The following AHCTF1 variants were observed in gnomAD, a reference collection of about 807,000 sequenced individuals.
The protein encoded by AHCTF1 is AT-hook containing transcription factor 1.
Under a neutral mutation model 248.4 loss-of-function variants are expected in AHCTF1, and 24 were observed. The ratio of observed to expected loss-of-function variants is 0.10; its 90% CI spans 0.07 to 0.14. The LOEUF is 0.14. AHCTF1 is among the 10% of genes least tolerant of loss of function. The pLI is 1.00. For missense variants in AHCTF1, 2,206 were observed against 2,636.2 expected, an observed-to-expected ratio of 0.84 and a Z score of 3.57; for synonymous variants, 786 against 929.8, an observed-to-expected ratio of 0.85 and a Z score of 2.81.
At position 246,855,823 on chromosome 1, in the gene AHCTF1, T is replaced by C; in HGVS notation, c.4261A>G (p.Ile1421Val). ...GGTACCTTGGACTTCTGGGTGAAGA[T>C]TTTCCTTTAGAAAAAGAAATACATA... is the stretch of plus-strand genomic sequence containing the variant. ...LCAPSVYEGK[I>V]FTQKSKVPVL... Residue 1421 changes from isoleucine (I) to valine (V), a missense_variant, in exon 31 of 36, where the codon ATC becomes GTC. Coordinates refer to ENST00000648844, the MANE Select transcript of AHCTF1 (RefSeq NM_001323342.2). 6.2e-7 allele frequency: 1 copy of C among 1,612,390 alleles called. No individual in the cohort carries two copies.
intron 20 of AHCTF1, 83 bp downstream of exon 20, chr1:246,887,128 T>C (rs1020013830): frequency 1.4e-5 from 20 of 1,471,968 alleles, no homozygotes; most frequent in Middle Eastern, 2.5e-4. Context: ...GTATCATATC[T>C]TTTAATACCA....
intron 14 of AHCTF1, 93 bp from the exon 15 acceptor site, chr1:246,892,012 A>G (rs758504963): frequency 2.3e-6 from 3 of 1,296,860 alleles, no homozygotes; most frequent in South Asian, 1.4e-5. Flanking sequence ...CTATCACTCA[A>G]AAGAATTATT....
At position 246,856,427 on chromosome 1, in the gene AHCTF1, C is replaced by T. The variant is rs774205965; in HGVS notation, c.4257-600G>A. ...AAATTCAATAAAAAGGTATTTGAAACATTTATAGATTTTACCATAAAAGTA... is the reference window on the plus strand; with the variant it reads ...AAATTCAATAAAAAGGTATTTGAAATATTTATAGATTTTACCATAAAAGTA... On this transcript the variant is annotated intron_variant, in intron 30 of 35. Transcript: ENST00000648844. Among the ~76,000 whole-genome samples the T allele has an allele frequency of 2.2e-3, 330 of 152,104 alleles. 4 individuals carry two copies. The highest frequency in any genetic ancestry group is 4.7e-4 in the Non-Finnish European group (32 of 68,030).
chr1:246,899,713 A>T (rs1664859832), intron 10 of AHCTF1, among the ~76,000 whole-genome samples: 1 of 152,156 alleles, frequency 6.6e-6, no homozygotes, highest in Non-Finnish European at 1.5e-5. Context: ...AAAAGCAAAA[A>T]ACAAAACCCA....
At chr1:246,907,839 G>A (rs1032242762) in intron 4 of AHCTF1, 81 bp from the exon 5 acceptor site, 3 of 1,185,114 alleles carry the variant, frequency 2.5e-6, no homozygotes, top group Non-Finnish European at 3.6e-6. Context: ...TATTCAAGCT[G>A]CAAATGAAGT....
intron 28 of AHCTF1, 38 bp downstream of exon 28, chr1:246,861,921 T>C: frequency 6.5e-7 from 1 of 1,536,512 alleles, no homozygotes; most frequent in Non-Finnish European, 8.9e-7. Context: ...ACATTCTTAT[T>C]AAAAAATGTC....
chr1:246,886,040 G>A (rs1663797424), intron 20 of AHCTF1, among the ~76,000 whole-genome samples: 1 of 151,988 alleles, frequency 6.6e-6, no homozygotes, highest in East Asian at 1.9e-4. Context: ...ACAAAAGTAA[G>A]TTTAAACAAA....
At chr1:246,905,500 A>C (rs1553301757) in intron 6 of AHCTF1, 41 bp downstream of exon 6, 4 of 1,547,108 alleles carry the variant, frequency 2.6e-6, no homozygotes, top group Non-Finnish European at 3.6e-6. Flanking sequence ...CTGTCTCCAA[A>C]AAAACAAAAC....
intron 17 of AHCTF1, 151 bp from the exon 18 acceptor site, chr1:246,888,668 G>C: frequency 2.0e-6 from 2 of 1,017,286 alleles, no homozygotes; most frequent in Admixed American, 5.7e-5. Flanking sequence ...CAGTGATTTG[G>C]GAGGCCAAGG....
In AHCTF1 at chr1:246,876,974, G is replaced by A. The variant is rs1444017232; in HGVS notation, c.2913C>T (p.Asn971=). Residue 971 remains asparagine, a synonymous_variant, in exon 23 of 36, where the codon AAC becomes AAT. Coordinates refer to ENST00000648844, the MANE Select transcript of AHCTF1 (RefSeq NM_001323342.2). The part of the protein sequence containing the change: ...RANYVPALKL[N]QTLKINVMND... ...CCATAACATTAATCTTCAGAGTTTGGTTCAGCTTCAAGGCAGGCACATAAT... is the reference window on the plus strand; with the variant it reads ...CCATAACATTAATCTTCAGAGTTTGATTCAGCTTCAAGGCAGGCACATAAT... 6.2e-7 allele frequency: 1 copy of A among 1,611,774 alleles called. No homozygotes were observed. Among genetic ancestry groups the A allele is most frequent in the Non-Finnish European group, 8.5e-7 (1 of 1,179,842 alleles).
At chr1:246,918,406 T>C (rs1666296251) in intron 1 of AHCTF1, 29 bp from the exon 2 acceptor site, 1 of 1,590,820 alleles carries the variant, frequency 6.3e-7, no homozygotes, top group African/African-American at 1.4e-5. Flanking sequence ...GAAAACATTA[T>C]TATGACACAT....
At chr1:246,866,973 A>G (rs1275724131) in intron 26 of AHCTF1, among the ~76,000 whole-genome samples, 1 of 152,186 alleles carries the variant, frequency 6.6e-6, no homozygotes, top group African/African-American at 2.4e-5. Context: ...ACAAGCAGGT[A>G]ACAAGGAAAG....
chr1:246,892,372 T>A (rs1207419621), intron 14 of AHCTF1, among the ~76,000 whole-genome samples: 1 of 134,340 alleles, frequency 7.4e-6, no homozygotes, highest in Non-Finnish European at 1.5e-5. Flanking sequence ...TGGAGTGCAG[T>A]GGTGCAATCT....
chr1:246,869,136 C>A (rs1036985263), intron 24 of AHCTF1, among the ~76,000 whole-genome samples: 1 of 151,964 alleles, frequency 6.6e-6, no homozygotes, highest in Non-Finnish European at 1.5e-5. Context: ...AGCCACCACG[C>A]CCGGCCGTGT....
At chr1:246,853,410 A>C in intron 31 of AHCTF1, 111 bp from the exon 32 acceptor site, 4 of 775,060 alleles carry the variant, frequency 5.2e-6, no homozygotes, top group Non-Finnish European at 8.0e-6. Context: ...TGTATTAATA[A>C]ACTATCACAA....
Position 246,857,817 on chromosome 1 carries a change from AT to A in AHCTF1, c.4133-4del. 6.2e-7 allele frequency: 1 copy of A among 1,603,136 alleles called. No homozygotes were observed. Among genetic ancestry groups the A allele is most frequent in the Non-Finnish European group, 8.5e-7 (1 of 1,172,580 alleles). ...TGTTTCTGCATCTTCTAAATTGCCTATAAGTCATACAAATAAGAATATTATT... is the reference window on the plus strand; with the variant it reads ...TGTTTCTGCATCTTCTAAATTGCCTAAAGTCATACAAATAAGAATATTATT... On this transcript the variant is annotated splice_polypyrimidine_tract_variant and splice_region_variant and intron_variant, in intron 29 of 35. Transcript: ENST00000648844.
chr1:246,866,533 G>C (rs1225799579), intron 26 of AHCTF1, among the ~76,000 whole-genome samples: 1 of 152,050 alleles, frequency 6.6e-6, no homozygotes, highest in Non-Finnish European at 1.5e-5. Flanking sequence ...TCAGTTGTTT[G>C]TATGACCTTA....
chr1:246,875,502 AAAG>A (rs1662873909), intron 24 of AHCTF1, among the ~76,000 whole-genome samples: 2 of 152,212 alleles, frequency 1.3e-5, no homozygotes, highest in Admixed American at 6.5e-5. Flanking sequence ...ACTCATTTTG[AAAG>A]AAGTTCTATG....
At chr1:246,893,016 TA>T (rs1664327721) in intron 14 of AHCTF1, among the ~76,000 whole-genome samples, 1 of 152,098 alleles carries the variant, frequency 6.6e-6, no homozygotes, top group Non-Finnish European at 1.5e-5. Flanking sequence ...TTTTATTTTT[TA>T]AAAAACCCAA....
Sources: gnomAD v4.1 joint callset for allele counts (sites outside exome capture counted in the v4.1 genomes callset) on GRCh38, gnomAD v4.1.1 for gene constraint, MANE v1.5 for transcripts, NCBI Gene and HGNC (gene_info 2026-07-23, HGNC 2026-07-21) for gene names.